The following PDE4D variants were observed in gnomAD, a reference collection of about 807,000 sequenced individuals.
The protein encoded by PDE4D is phosphodiesterase 4D.
In PDE4D, 24 loss-of-function variants were observed where a neutral mutation model predicts 87.4. That is an observed-to-expected ratio of 0.27 (90% CI 0.20 to 0.39). PDE4D has a LOEUF of 0.39. PDE4D is among the 10% of genes least tolerant of loss of function. PDE4D has a pLI of 1.00. For missense variants in PDE4D, 714 were observed against 1,041.0 expected (o/e 0.69, Z 4.32); for synonymous variants, 384 against 383.2 (o/e 1.00, Z -0.02).
intron 5 of PDE4D, among the ~76,000 whole-genome samples, chr5:59,148,708 A>C (rs558729083): frequency 6.6e-5 from 10 of 151,964 alleles, no homozygotes; most frequent in African/African-American, 2.4e-4. Context: ...TTATTCAATA[A>C]AGATCTACTG....
intron 1 of PDE4D, among the ~76,000 whole-genome samples, chr5:59,663,207 A>T (rs549264440): frequency 1.1e-4 from 17 of 151,984 alleles, no homozygotes; most frequent in Admixed American, 1.0e-3. Flanking sequence ...CTCTGTCTCC[A>T]AGGCTGGAGT....
chr5:60,193,798 A>G (rs563628905), intron 1 of PDE4D, among the ~76,000 whole-genome samples: 1 of 151,712 alleles, frequency 6.6e-6, no homozygotes, highest in East Asian at 1.9e-4. Flanking sequence ...TTTAGTTTCA[A>G]CCAGCTTTGT....
At chr5:59,357,169 T>C (rs1381776503) in intron 1 of PDE4D, among the ~76,000 whole-genome samples, 1 of 152,134 alleles carries the variant, frequency 6.6e-6, no homozygotes, top group African/African-American at 2.4e-5. Flanking sequence ...CATAGTCACA[T>C]GCCACTCCTG....
chr5:59,767,406 C>T (rs1438603852), intron 1 of PDE4D, among the ~76,000 whole-genome samples: 1 of 152,100 alleles, frequency 6.6e-6, no homozygotes, highest in Non-Finnish European at 1.5e-5. Flanking sequence ...ATGGCCTCTA[C>T]TCAGGCAGAA....
chr5:60,424,410 C>A (rs1743452138), intron 1 of PDE4D, among the ~76,000 whole-genome samples: 2 of 152,088 alleles, frequency 1.3e-5, no homozygotes, highest in Admixed American at 1.3e-4. Context: ...TCCATCACGT[C>A]AACAGAACCA....
At chr5:59,999,283 G>C (rs1007549894) in intron 2 of PDE4D, among the ~76,000 whole-genome samples, 1 of 152,078 alleles carries the variant, frequency 6.6e-6, no homozygotes, top group Non-Finnish European at 1.5e-5. Flanking sequence ...TCAGAGTGTT[G>C]TCTGAGAGAC....
chr5:59,231,643 T>C (rs142408461), intron 1 of PDE4D, among the ~76,000 whole-genome samples: 7 of 152,316 alleles, frequency 4.6e-5, no homozygotes, highest in African/African-American at 1.7e-4. Context: ...ACAATAACAT[T>C]CAACACAGTG....
intron 2 of PDE4D, among the ~76,000 whole-genome samples, chr5:60,154,547 T>G (rs1781796855): frequency 6.6e-6 from 1 of 152,196 alleles, no homozygotes; most frequent in Admixed American, 6.5e-5. Flanking sequence ...GTGCTGGGAT[T>G]ACAGGCATAA....
intron 1 of PDE4D, among the ~76,000 whole-genome samples, chr5:60,317,739 T>C (rs1423042769): frequency 6.6e-6 from 1 of 152,232 alleles, no homozygotes; most frequent in Non-Finnish European, 1.5e-5. Context: ...CTTCATTTCA[T>C]TATGTACCCA....
chr5:60,386,788 A>G (rs917814019), intron 1 of PDE4D, among the ~76,000 whole-genome samples: 3 of 152,260 alleles, frequency 2.0e-5, no homozygotes, highest in Non-Finnish European at 4.4e-5. Context: ...AAAGGCTTCT[A>G]GTTCAAAACT....
chr5:60,199,719 G>A (rs1291484193), intron 1 of PDE4D, among the ~76,000 whole-genome samples: 1 of 151,650 alleles, frequency 6.6e-6, no homozygotes, highest in Non-Finnish European at 1.5e-5. Context: ...AGAAGTAGCT[G>A]AATGAAAGAA....
intron 5 of PDE4D, among the ~76,000 whole-genome samples, chr5:59,122,443 T>C (rs1198777569): frequency 6.6e-6 from 1 of 152,072 alleles, no homozygotes; most frequent in East Asian, 1.9e-4. Context: ...GATTAATGGG[T>C]GCAAACACAC....
chr5:59,205,201 AT>A lies in PDE4D; in HGVS notation c.647+10575del, dbSNP rs34254880. 1.3e-4 allele frequency among the ~76,000 whole-genome samples: 20 copies of A among 151,178 alleles called. No individual in the cohort carries two copies. The East Asian group carries it at 2.9e-3, about 22-fold the overall frequency. On this transcript the variant is annotated intron_variant, in intron 2 of 14. Transcript: ENST00000340635. ...GAGTGTACATGGACCATGCAGTGAG[AT>A]TTTTTTTTTAAACTATACGTATTCC...
At chr5:60,197,023 A>AGAT (rs1741295321) in intron 1 of PDE4D, among the ~76,000 whole-genome samples, 1 of 63,040 alleles carries the variant, frequency 1.6e-5, no homozygotes, top group African/African-American at 8.0e-5. Context: ...ATAGGCAGAT[A>AGAT]GATAGATAGA....
At chr5:59,510,626 A>G (rs888527906) in intron 1 of PDE4D, among the ~76,000 whole-genome samples, 1 of 151,824 alleles carries the variant, frequency 6.6e-6, no homozygotes, top group Non-Finnish European at 1.5e-5. Flanking sequence ...ACAGACATAG[A>G]TAAAAAATAG....
intron 1 of PDE4D, among the ~76,000 whole-genome samples, chr5:59,387,829 T>G (rs1787401887): frequency 6.6e-6 from 1 of 152,134 alleles, no homozygotes; most frequent in Non-Finnish European, 1.5e-5. Flanking sequence ...TTAGCTATTT[T>G]CAAGTATGCA....
intron 1 of PDE4D, among the ~76,000 whole-genome samples, chr5:60,203,215 C>G (rs1206828350): frequency 6.6e-6 from 1 of 152,178 alleles, no homozygotes; most frequent in African/African-American, 2.4e-5. Context: ...AGGTGATCTA[C>G]CCGCCTCCAC....
At chr5:59,792,047 C>T (rs1420618414) in intron 1 of PDE4D, among the ~76,000 whole-genome samples, 1 of 152,102 alleles carries the variant, frequency 6.6e-6, no homozygotes, top group African/African-American at 2.4e-5. Flanking sequence ...AGAAGAGGGA[C>T]CTTAAACAAG....
At chr5:59,314,365 G>A (rs1773269025) in intron 1 of PDE4D, 1 of 152,064 alleles carries the variant, frequency 6.6e-6, no homozygotes, top group South Asian at 2.1e-4. Flanking sequence ...AGAGCTCTTG[G>A]CCTTATAATG....
Sources: gnomAD v4.1 joint callset for allele counts (sites outside exome capture counted in the v4.1 genomes callset) on GRCh38, gnomAD v4.1.1 for gene constraint, MANE v1.5 for transcripts, NCBI Gene and HGNC (gene_info 2026-07-23, HGNC 2026-07-21) for gene names.